EFR3B: variants seen among roughly 807,000 people sequenced by gnomAD.
EFR3B encodes protein EFR3 homolog B.
A neutral mutation model predicts 104.7 loss-of-function variants in EFR3B; 64 were observed. The ratio of observed to expected loss-of-function variants is 0.61; its 90% CI spans 0.50 to 0.75. The LOEUF (loss-of-function observed/expected upper bound fraction) is 0.75, where lower values mean the gene tolerates loss of function less well. Ranked by LOEUF, EFR3B falls within the 30% of genes least tolerant of loss-of-function variation. The pLI is 0.00. For missense variants in EFR3B, 750 were observed against 1,078.5 expected (o/e 0.70, Z 4.27); for synonymous variants, 385 against 417.9 (o/e 0.92, Z 0.96).
intron 3 of EFR3B, among the ~76,000 whole-genome samples, chr2:25,101,606 C>T (rs1216312472): frequency 6.6e-6 from 1 of 152,176 alleles, no homozygotes. Context: ...CTCAGCTTCC[C>T]AAACTGTTGG....
chr2:25,079,897 C>G (rs1378158155), intron 1 of EFR3B: 2 of 1,354,332 alleles, frequency 1.5e-6, no homozygotes, highest in Non-Finnish European at 2.1e-6. Context: ...TCTGGGTTTT[C>G]AGATCATATT....
intron 3 of EFR3B, among the ~76,000 whole-genome samples, chr2:25,102,975 T>A (rs1459333549): frequency 8.5e-5 from 13 of 152,208 alleles, no homozygotes; most frequent in Non-Finnish European, 1.9e-4. Flanking sequence ...TTCTGAGGCT[T>A]TCAAACACAA....
intron 1 of EFR3B, chr2:25,080,108 C>T (rs1668750694): frequency 2.0e-6 from 2 of 995,016 alleles, no homozygotes; most frequent in South Asian, 2.6e-5. Flanking sequence ...ACATCTTTTA[C>T]TGCCGTGACT....
chr2:25,044,500 T>C (rs768927874), intron 1 of EFR3B, among the ~76,000 whole-genome samples: 14 of 152,298 alleles, frequency 9.2e-5, no homozygotes, highest in Non-Finnish European at 1.3e-4. Context: ...TCCTCTTGTT[T>C]TACAAGTTAT....
intron 1 of EFR3B, among the ~76,000 whole-genome samples, chr2:25,056,030 T>C (rs1668011319): frequency 6.6e-6 from 1 of 152,344 alleles, no homozygotes; most frequent in Middle Eastern, 3.4e-3. Flanking sequence ...AAAATAATGA[T>C]ACATATCATC....
chr2:25,153,531 C>T (rs1427156740), intron 21 of EFR3B, among the ~76,000 whole-genome samples, 181 bp from the exon 22 acceptor site: 1 of 152,070 alleles, frequency 6.6e-6, no homozygotes, highest in African/African-American at 2.4e-5. Context: ...GTGGCTTTCC[C>T]TGATCCGAAT....
chr2:25,131,269 C>G lies in EFR3B; in HGVS notation c.850-99C>G. 2 of 1,467,362 alleles carry G rather than the reference C, an allele frequency of 1.4e-6. No homozygotes were observed. Among genetic ancestry groups the G allele is most frequent in the South Asian group, 2.6e-5 (2 of 75,538 alleles). The allele number at this position is 1,467,362 out of a possible 1,614,324, so 90.9% of individuals were successfully genotyped here. A position where few individuals can be genotyped will look rare whatever the true frequency, so the allele number is the denominator to read the frequency against. Reference sequence around the variant, plus strand: ...GCAGTGCCCGGGGCCTTGGAACGTCCCTTTAGTTTACCCCCGCCTTTGGGT... The same window carrying G: ...GCAGTGCCCGGGGCCTTGGAACGTCGCTTTAGTTTACCCCCGCCTTTGGGT... On this transcript the variant is annotated intron_variant, in intron 8 of 22. Transcript: ENST00000403714. The surrounding 1 kb of genome is among the most constrained non-coding windows in gnomAD (Gnocchi z 7.6).
rs774049191 is a variant in EFR3B at position 25,139,125 on chromosome 2, G to A, written c.1789G>A (p.Ala597Thr). 3 of 1,551,654 alleles carry A rather than the reference G, an allele frequency of 1.9e-6. No homozygotes were observed. The highest frequency in any genetic ancestry group is 1.2e-5 in the South Asian group (1 of 84,048). ...CCGCTGTGCCCTCTATGCTCTGGGC[G>A]CAGCCTACCTGAACCTCATCAGTCA... ...YNRCALYALGAAYLNLISQLT... is the reference protein window; with the variant it reads ...YNRCALYALGTAYLNLISQLT... The change falls in exon 16 of 23, where the codon GCA becomes ACA. Residue 597 changes from alanine to threonine, a missense_variant. Physicochemically the swap from Ala to Thr is moderately conservative, Grantham distance 58. Coordinates refer to ENST00000403714, the MANE Select transcript of EFR3B (RefSeq NM_014971.2).
intron 13 of EFR3B, 136 bp downstream of exon 13, chr2:25,135,775 A>G (rs533163364): frequency 1.2e-4 from 130 of 1,064,294 alleles, no homozygotes; most frequent in Non-Finnish European, 1.6e-4. Context: ...GTATCCCACA[A>G]TTCAGATACT....
At chr2:25,117,186 G>A (rs2149198525) in intron 4 of EFR3B, among the ~76,000 whole-genome samples, 1 of 152,296 alleles carries the variant, frequency 6.6e-6, no homozygotes, top group South Asian at 2.1e-4. Flanking sequence ...AGGCGGGACT[G>A]CCCGTCAGCC....
chr2:25,098,169 G>A (rs1669334989), intron 3 of EFR3B, among the ~76,000 whole-genome samples: 1 of 152,002 alleles, frequency 6.6e-6, no homozygotes, highest in African/African-American at 2.4e-5. Context: ...CCTACTTCTG[G>A]ACTCCTAAAA....
rs1671103524 is a variant in EFR3B, at chr2:25,154,397, G to A, written c.*57G>A. On this transcript the variant is annotated 3_prime_UTR_variant, in exon 23 of 23. Coordinates refer to ENST00000403714, the MANE Select transcript of EFR3B (RefSeq NM_014971.2). This position sits in a 1 kb window ranked among gnomAD's most constrained non-coding sequence, Gnocchi z 4.1. ...GGGTCTGAGGAGGGGCTCACCTCAC[G>A]CCCACCCCGACCACATGGAGATCTG... 4.2e-6 allele frequency: 6 copies of A among 1,428,668 alleles called. No homozygotes were observed. Among genetic ancestry groups the A allele is most frequent in the Non-Finnish European group, 5.8e-6 (6 of 1,037,974 alleles). The allele number at this position is 1,428,668 out of a possible 1,614,324, so 88.5% of individuals were successfully genotyped here. A position where few individuals can be genotyped will look rare whatever the true frequency, so the allele number is the denominator to read the frequency against.
At chr2:25,103,515 G>C in intron 3 of EFR3B, 122 bp from the exon 4 acceptor site, 2 of 1,354,164 alleles carry the variant, frequency 1.5e-6, no homozygotes. Context: ...GGCAGCCTGT[G>C]GGGGAGCCTC....
rs115589362 is a variant in EFR3B, at chr2:25,087,320, A to G, written c.8-4005A>G. Among the ~76,000 whole-genome samples the G allele has an allele frequency of 5.4e-3, 827 of 151,756 alleles. 4 individuals carry two copies. Among genetic ancestry groups the G allele is most frequent in the African/African-American group, 0.019 (767 of 41,354 alleles). ...CAGCCAAACCATGTCAGTGTTCCTTATATTTTGAAGATTATGTATATATAT... is the reference window on the plus strand; with the variant it reads ...CAGCCAAACCATGTCAGTGTTCCTTGTATTTTGAAGATTATGTATATATAT... On this transcript the variant is annotated intron_variant, in intron 1 of 22. Transcript: ENST00000403714.
At position 25,156,564 on chromosome 2, in the gene EFR3B, T is replaced by C. The variant is rs1436604012; in HGVS notation, c.*2224T>C. The stretch of plus-strand genomic sequence containing the variant: ...CGCCCGCCTCAGCCTCTCAAAGTGC[T>C]GGGATTACAGGCGTGAGCCACTGCG... On this transcript the variant is annotated 3_prime_UTR_variant, in exon 23 of 23. Transcript: ENST00000403714. The C allele has an allele frequency of 6.6e-6, 1 of 152,266 alleles. No homozygotes were observed. Among genetic ancestry groups the C allele is most frequent in the Non-Finnish European group, 1.5e-5 (1 of 68,114 alleles). The allele number at this position is 152,266 out of a possible 1,614,324, so 9.4% of individuals were successfully genotyped here. A position where few individuals can be genotyped will look rare whatever the true frequency, so the allele number is the denominator to read the frequency against.
chr2:25,113,616 C>T (rs1311191032), intron 4 of EFR3B, among the ~76,000 whole-genome samples: 2 of 149,322 alleles, frequency 1.3e-5, no homozygotes, highest in African/African-American at 2.5e-5. Flanking sequence ...TGCAGCGAGC[C>T]GAGATCGTGC....
At chr2:25,051,338 C>T (rs1667863126) in intron 1 of EFR3B, among the ~76,000 whole-genome samples, 1 of 152,130 alleles carries the variant, frequency 6.6e-6, no homozygotes, top group South Asian at 2.1e-4. Flanking sequence ...GGGTCTCGAC[C>T]TCCTGACCTC....
At chr2:25,060,792 G>A (rs2149169148) in intron 1 of EFR3B, among the ~76,000 whole-genome samples, 1 of 151,790 alleles carries the variant, frequency 6.6e-6, no homozygotes, top group South Asian at 2.1e-4. Flanking sequence ...ATGGTGGCGG[G>A]TGCCTGTAGT....
intron 1 of EFR3B, among the ~76,000 whole-genome samples, chr2:25,049,616 T>C (rs1424877796): frequency 1.3e-5 from 2 of 152,156 alleles, no homozygotes; most frequent in African/African-American, 4.8e-5. Context: ...AAGAGACCAG[T>C]GCGAGGTGGA....
Sources: gnomAD v4.1 joint callset for allele counts (sites outside exome capture counted in the v4.1 genomes callset) on GRCh38, gnomAD v4.1.1 for gene constraint, Gnocchi (gnomAD v3.1) non-coding constraint, MANE v1.5 for transcripts, NCBI Gene and HGNC (gene_info 2026-07-23, HGNC 2026-07-21) for gene names.